THRA: variants seen among roughly 807,000 people sequenced by gnomAD.
THRA encodes the protein thyroid hormone receptor alpha, also known as EAR-7.
Under a neutral mutation model 45.0 loss-of-function variants are expected in THRA, and 13 were observed. That is an observed-to-expected ratio of 0.29 (90% CI 0.19 to 0.46). THRA has a LOEUF of 0.46. Among genes scored for constraint, THRA ranks in the 20% least tolerant of loss-of-function variants. The probability of loss-of-function intolerance (pLI) is 1.00; values close to 1 mark genes in which losing one functional copy is unlikely to be tolerated. For synonymous variants in THRA, 195 were observed against 214.0 expected (o/e 0.91, Z 0.78); for missense variants, 278 against 556.1 (o/e 0.50, Z 5.03).
intron 1 of THRA, among the ~76,000 whole-genome samples, 167 bp downstream of exon 1, chr17:40,063,259 G>A (rs1179751514): frequency 6.6e-6 from 1 of 152,200 alleles, no homozygotes; most frequent in Non-Finnish European, 1.5e-5. Context: ...TCACGAGCCC[G>A]GGAGCTTGCA....
Position 40,084,812 on chromosome 17 carries a change from C to T in THRA, c.573C>T (p.Phe191=). The T allele has an allele frequency of 6.2e-7, 1 of 1,613,268 alleles. No individual in the cohort carries two copies. The highest frequency in any genetic ancestry group is 8.5e-7 in the Non-Finnish European group (1 of 1,180,014). ...QGSHWKQRRK[F]LPDDIGQSPI... is the part of the protein sequence containing the mutation. ...GCCATTGGAAACAGAGGCGGAAATT[C>T]CTGGTAAGGAGAAAGGGGGCATGGG... The change falls in exon 6 of 9, where the codon TTC becomes TTT. Residue 191 remains phenylalanine, a synonymous_variant. Coordinates refer to ENST00000450525, the MANE Select transcript of THRA (RefSeq NM_199334.5).
chr17:40,079,640 G>T (rs1299285768), intron 4 of THRA, among the ~76,000 whole-genome samples: 1 of 152,112 alleles, frequency 6.6e-6, no homozygotes, highest in Non-Finnish European at 1.5e-5. Context: ...GGAGTCCAAG[G>T]CAGGCAGATC....
chr17:40,076,459 G>T (rs1007086375), intron 2 of THRA, among the ~76,000 whole-genome samples: 11 of 152,176 alleles, frequency 7.2e-5, no homozygotes, highest in Admixed American at 2.6e-4. Context: ...TATAGTGAAG[G>T]TTGCATGGTT....
rs368703669 is a variant in THRA at position 40,087,244 on chromosome 17, GCA to G, written c.723+407_723+408del. Among the ~76,000 whole-genome samples the G allele has an allele frequency of 9.1e-3, 644 of 70,942 alleles. 2 individuals are homozygous for G. Among genetic ancestry groups the G allele is most frequent in the Middle Eastern group, 0.033 (3 of 90 alleles). 46.5% of individuals were successfully genotyped at this position (70,942 alleles called of 152,430 possible). On this transcript the variant is annotated intron_variant, in intron 7 of 8. Transcript: ENST00000450525. ...ACACAGACACACACCCAGCACACAG[GCA>G]CACACACACACACACCTAGCACACA...
chr17:40,088,163 C>G, intron 7 of THRA, 79 bp from the exon 8 acceptor site: 1 of 1,509,974 alleles, frequency 6.6e-7, no homozygotes, highest in Non-Finnish European at 8.9e-7. Context: ...CCTCACGGCT[C>G]CCGTAGGACA....
intron 1 of THRA, chr17:40,072,017 AAG>A (rs1445714045): frequency 5.3e-5 from 8 of 152,296 alleles, no homozygotes; most frequent in Non-Finnish European, 7.3e-5. Flanking sequence ...TTCAGTTCAA[AAG>A]AGGGGTGGGG....
chr17:40,063,071 C>G lies in THRA; in HGVS notation c.-319C>G, dbSNP rs1370407722. Reference sequence around the variant, plus strand: ...GAGACCCCCGCGTCGCTGCCCAGCCCGGTCCGGCGCGCCACGCCGAGGTAA... The same window carrying G: ...GAGACCCCCGCGTCGCTGCCCAGCCGGGTCCGGCGCGCCACGCCGAGGTAA... On this transcript the variant is annotated 5_prime_UTR_variant, in exon 1 of 9. Transcript: ENST00000450525. The G allele has an allele frequency of 6.6e-6, 1 of 152,050 alleles. No individual in the cohort carries two copies. The highest frequency in any genetic ancestry group is 1.5e-5 in the Non-Finnish European group (1 of 68,038). The allele number at this position is 152,050 out of a possible 1,614,324, so 9.4% of individuals were successfully genotyped here. A position where few individuals can be genotyped will look rare whatever the true frequency, so the allele number is the denominator to read the frequency against.
At chr17:40,070,351 G>T (rs1219344027) in intron 1 of THRA, among the ~76,000 whole-genome samples, 2 of 152,144 alleles carry the variant, frequency 1.3e-5, no homozygotes, top group Non-Finnish European at 2.9e-5. Context: ...GAGTTGGGTG[G>T]GGCAGCCCTG....
In THRA at chr17:40,091,454, CCT is replaced by C. The variant is rs375264607; in HGVS notation, c.*2010_*2011del. 2 of 151,788 alleles carry C rather than the reference CCT, an allele frequency of 1.3e-5. No homozygotes were observed. The highest frequency in any genetic ancestry group is 2.9e-5 in the Non-Finnish European group (2 of 68,126). 9.4% of individuals were successfully genotyped at this position (151,788 alleles called of 1,614,324 possible). A position where few individuals can be genotyped will look rare whatever the true frequency, so the allele number is the denominator to read the frequency against. On this transcript the variant is annotated 3_prime_UTR_variant, in exon 9 of 9. Coordinates refer to ENST00000450525, the MANE Select transcript of THRA (RefSeq NM_199334.5). ...CTGCCCGCGCTGTCTTTGTCTCTAT[CCT>C]CTCTCTCTCTCCTGGAGTACTGAAT...
chr17:40,077,781 T>C (rs917649557), intron 4 of THRA, among the ~76,000 whole-genome samples, 173 bp downstream of exon 4: 2 of 151,804 alleles, frequency 1.3e-5, no homozygotes, highest in Non-Finnish European at 2.9e-5. Flanking sequence ...CACTGCAACC[T>C]CCGCCTTCAG....
chr17:40,093,449 G>C (rs1038783288), downstream of THRA: 8 of 1,519,480 alleles, frequency 5.3e-6, no homozygotes, highest in African/African-American at 1.1e-4. The surrounding 1 kb of genome is among the most constrained non-coding windows in gnomAD (Gnocchi z 5.9). Flanking sequence ...TCTGCCCCAA[G>C]AGCAGGAGGT....
At position 40,089,191 on chromosome 17, in the gene THRA, C is replaced by G; in HGVS notation, c.983-15C>G. On this transcript the variant is annotated splice_polypyrimidine_tract_variant and intron_variant, in intron 8 of 8. Coordinates refer to ENST00000450525, the MANE Select transcript of THRA (RefSeq NM_199334.5). The surrounding 1 kb of genome is among the most constrained non-coding windows in gnomAD (Gnocchi z 6.1). ...CGGCCAGCCCCTCGCCCCTCACGCCCCTCTTCCCTCACAGACCGCTCGGGC... is the reference window on the plus strand; with the variant it reads ...CGGCCAGCCCCTCGCCCCTCACGCCGCTCTTCCCTCACAGACCGCTCGGGC... 1.9e-6 allele frequency: 3 copies of G among 1,612,886 alleles called. No individual in the cohort carries two copies. Among genetic ancestry groups the G allele is most frequent in the Non-Finnish European group, 2.5e-6 (3 of 1,179,448 alleles).
chr17:40,066,656 T>C (rs1598386905), intron 1 of THRA, among the ~76,000 whole-genome samples: 3 of 116,068 alleles, frequency 2.6e-5, no homozygotes, highest in African/African-American at 1.1e-4. Flanking sequence ...AGAGCGAGAC[T>C]CCGTCTCAAA....
intron 5 of THRA, 92 bp from the exon 6 acceptor site, chr17:40,084,518 A>G: frequency 6.8e-7 from 1 of 1,466,788 alleles, no homozygotes; most frequent in Non-Finnish European, 9.4e-7. Flanking sequence ...CGGTTTCTCC[A>G]ACCTGTACTC....
chr17:40,063,739 T>C (rs895006541), intron 1 of THRA, among the ~76,000 whole-genome samples: 1 of 151,308 alleles, frequency 6.6e-6, no homozygotes, highest in Admixed American at 6.6e-5. Flanking sequence ...ATTAGGAGAG[T>C]TGCTGGCTGG....
Position 40,088,334 on chromosome 17 carries a change from C to T in THRA, c.816C>T (p.Asp272=). 6.2e-7 allele frequency: 1 copy of T among 1,614,034 alleles called. No individual in the cohort carries two copies. Among genetic ancestry groups the T allele is most frequent in the Non-Finnish European group, 8.5e-7 (1 of 1,179,926 alleles). ...CTGTCCGCTACGACCCTGAGAGCGA[C>T]ACCCTGACGCTGAGTGGGGAGATGG... is the stretch of plus-strand genomic sequence containing the variant. ...RAAVRYDPES[D]TLTLSGEMAV... is the part of the protein sequence containing the mutation. The change falls in exon 8 of 9, where the codon GAC becomes GAT. Residue 272 remains aspartate, a synonymous_variant. Coordinates refer to ENST00000450525, the MANE Select transcript of THRA (RefSeq NM_199334.5).
intron 1 of THRA, among the ~76,000 whole-genome samples, chr17:40,068,124 G>A (rs1464760031): frequency 2.0e-5 from 3 of 152,216 alleles, no homozygotes; most frequent in Non-Finnish European, 4.4e-5. Context: ...TGTGTCTCTT[G>A]GGGAGGGAGG....
In THRA at chr17:40,090,170, C is replaced by A; in HGVS notation, c.*714C>A. On this transcript the variant is annotated 3_prime_UTR_variant, in exon 9 of 9. Coordinates refer to ENST00000450525, the MANE Select transcript of THRA (RefSeq NM_199334.5). ...CGAGCTGCCCCTTCTTCCCCCACAT[C>A]AGAGAGAAATGCCCCCACACCAGAG... is the stretch of plus-strand genomic sequence containing the variant. 1.3e-5 allele frequency: 4 copies of A among 296,342 alleles called. No individual in the cohort carries two copies. The highest frequency in any genetic ancestry group is 2.0e-5 in the Non-Finnish European group (4 of 202,132). The allele number at this position is 296,342 out of a possible 1,614,324, so 18.4% of individuals were successfully genotyped here. A position where few individuals can be genotyped will look rare whatever the true frequency, so the allele number is the denominator to read the frequency against.
intron 8 of THRA, 64 bp downstream of exon 8, chr17:40,088,564 T>C (rs1598398301): frequency 6.5e-7 from 1 of 1,545,678 alleles, no homozygotes; most frequent in Non-Finnish European, 8.7e-7. Context: ...GGCTGGACCC[T>C]GGGCCTGTTG....
Sources: gnomAD v4.1 joint callset for allele counts (sites outside exome capture counted in the v4.1 genomes callset) on GRCh38, gnomAD v4.1.1 for gene constraint, Gnocchi (gnomAD v3.1) non-coding constraint, MANE v1.5 for transcripts, NCBI Gene and HGNC (gene_info 2026-07-23, HGNC 2026-07-21) for gene names.